ATG16L1: variants seen among roughly 807,000 people sequenced by gnomAD.
ATG16L1 encodes autophagy-related protein 16-1.
A neutral mutation model predicts 88.5 loss-of-function variants in ATG16L1; 37 were observed. That is an observed-to-expected ratio of 0.42 (90% CI 0.32 to 0.55). The LOEUF is 0.55. Ranked by LOEUF, ATG16L1 falls within the 20% of genes least tolerant of loss-of-function variation. The pLI, the probability that ATG16L1 is intolerant of heterozygous loss-of-function variation, is 0.13. For missense variants in ATG16L1, 554 were observed against 752.8 expected (o/e 0.74, Z 3.09); for synonymous variants, 301 against 281.0 (o/e 1.07, Z -0.71).
intron 6 of ATG16L1, among the ~76,000 whole-genome samples, chr2:233,272,481 CT>C (rs1698060734): frequency 6.6e-6 from 1 of 152,192 alleles, no homozygotes; most frequent in Non-Finnish European, 1.5e-5. Flanking sequence ...TTAGCCATCC[CT>C]TCTTTCCCTG....
At chr2:233,281,548 C>G (rs951880165) in intron 11 of ATG16L1, among the ~76,000 whole-genome samples, 1 of 152,084 alleles carries the variant, frequency 6.6e-6, no homozygotes, top group Non-Finnish European at 1.5e-5. Flanking sequence ...TGAGTTATGG[C>G]TGAGATGTGT....
rs555777392 is a variant in ATG16L1 at position 233,270,246 on chromosome 2, T to C, written c.707+179T>C. Among the ~76,000 whole-genome samples, 13 of 152,258 alleles carry C rather than the reference T, an allele frequency of 8.5e-5. No homozygotes were observed. In the South Asian group the frequency reaches 2.7e-3, roughly 32 times the overall value. On this transcript the variant is annotated intron_variant, in intron 6 of 17. Coordinates refer to ENST00000392017, the MANE Select transcript of ATG16L1 (RefSeq NM_030803.7). ...TGTTTTTATTTCTGTAAAATCATCTTACAGATTTTAGAAAGAAAAATGTTA... is the reference window on the plus strand; with the variant it reads ...TGTTTTTATTTCTGTAAAATCATCTCACAGATTTTAGAAAGAAAAATGTTA...
intron 12 of ATG16L1, among the ~76,000 whole-genome samples, chr2:233,286,806 T>C (rs544338010): frequency 6.6e-6 from 1 of 151,684 alleles, no homozygotes; most frequent in South Asian, 2.1e-4. Context: ...TTTGTATTTT[T>C]AGTAGAGACG....
chr2:233,253,346 T>TTG (rs1553602870), intron 1 of ATG16L1, among the ~76,000 whole-genome samples: 7 of 134,548 alleles, frequency 5.2e-5, no homozygotes, highest in South Asian at 5.3e-4. Context: ...TTTTGTTTTT[T>TTG]TTTTTTTTTT....
At position 233,289,988 on chromosome 2, in the gene ATG16L1, G is replaced by A; in HGVS notation, c.1324+14G>A. 1 of 1,613,226 alleles carries A rather than the reference G, an allele frequency of 6.2e-7. No homozygotes were observed. The highest frequency in any genetic ancestry group is 8.5e-7 in the Non-Finnish European group (1 of 1,179,198). On this transcript the variant is annotated intron_variant, in intron 13 of 17. Coordinates refer to ENST00000392017, the MANE Select transcript of ATG16L1 (RefSeq NM_030803.7). The stretch of plus-strand genomic sequence containing the variant: ...GCAGCAAAGTCTGTGAGGAAATTCA[G>A]TCTCTCTGTCTGTGTATATGCTTAG...
chr2:233,267,505 T>C (rs1010646136), intron 5 of ATG16L1, among the ~76,000 whole-genome samples: 1 of 152,248 alleles, frequency 6.6e-6, no homozygotes, highest in Admixed American at 6.5e-5. Flanking sequence ...TTACTGGTGT[T>C]TATTTTTGGG....
At chr2:233,294,230 G>T in intron 17 of ATG16L1, 27 bp from the exon 18 acceptor site, 1 of 1,535,552 alleles carries the variant, frequency 6.5e-7, no homozygotes, top group Non-Finnish European at 8.9e-7. Context: ...TCTGAAACTT[G>T]GTGCTTTTCT....
At chr2:233,277,719 C>A in intron 10 of ATG16L1, 46 bp downstream of exon 10, 2 of 1,516,106 alleles carry the variant, frequency 1.3e-6, no homozygotes, top group Non-Finnish European at 1.8e-6. Flanking sequence ...TGAGATGATG[C>A]ACCCTTGCAC....
intron 4 of ATG16L1, 102 bp from the exon 5 acceptor site, chr2:233,264,790 T>G (rs1697454820): frequency 6.8e-7 from 1 of 1,471,768 alleles, no homozygotes; most frequent in Non-Finnish European, 9.2e-7. Flanking sequence ...GGCTAAAAGA[T>G]GTTGTAACAG....
intron 11 of ATG16L1, among the ~76,000 whole-genome samples, chr2:233,281,766 G>A (rs1698732732): frequency 6.6e-6 from 1 of 152,224 alleles, no homozygotes; most frequent in South Asian, 2.1e-4. Context: ...GTGAGGCCAA[G>A]GTAGCGTCCT....
intron 1 of ATG16L1, among the ~76,000 whole-genome samples, chr2:233,254,981 A>C (rs945253378): frequency 1.3e-5 from 2 of 151,524 alleles, no homozygotes; most frequent in African/African-American, 2.4e-5. Flanking sequence ...TTATTTATTT[A>C]TTTATTTATT....
chr2:233,261,818 C>T (rs78853161), intron 2 of ATG16L1, among the ~76,000 whole-genome samples: 2,069 of 152,300 alleles, frequency 0.014, 19 homozygotes, highest in Admixed American at 0.029. Context: ...TAGTTGTCTT[C>T]TGCTGTATCT....
chr2:233,286,335 C>T (rs899441281), intron 12 of ATG16L1, among the ~76,000 whole-genome samples: 3 of 152,136 alleles, frequency 2.0e-5, no homozygotes, highest in Admixed American at 6.5e-5. Flanking sequence ...TTTGAGGCCC[C>T]GGCCTTGATG....
Position 233,263,215 on chromosome 2 carries a change from T to C in ATG16L1, c.295T>C (p.Leu99=). The C allele has an allele frequency of 6.2e-7, 1 of 1,613,982 alleles. No individual in the cohort carries two copies. Among genetic ancestry groups the C allele is most frequent in the Non-Finnish European group, 8.5e-7 (1 of 1,179,958 alleles). ...TAAGCACCAAGAGGAACTGACTGAATTACACAAGAAACGTGGGGAGGTAAA... is the reference window on the plus strand; with the variant it reads ...TAAGCACCAAGAGGAACTGACTGAACTACACAAGAAACGTGGGGAGGTAAA... The part of the protein sequence containing the change: ...RIKHQEELTE[L]HKKRGELAQL... The change falls in exon 3 of 18, where the codon TTA becomes CTA. Residue 99 remains leucine, a synonymous_variant. Coordinates refer to ENST00000392017, the MANE Select transcript of ATG16L1 (RefSeq NM_030803.7).
At chr2:233,253,285 G>T (rs1433763394) in intron 1 of ATG16L1, among the ~76,000 whole-genome samples, 1 of 146,892 alleles carries the variant, frequency 6.8e-6, no homozygotes, top group Non-Finnish European at 1.5e-5. Flanking sequence ...GGCCAAGAGA[G>T]ATTAGGTAAC....
intron 2 of ATG16L1, among the ~76,000 whole-genome samples, chr2:233,256,595 T>C (rs1025497568): frequency 6.6e-6 from 1 of 152,230 alleles, no homozygotes; most frequent in Admixed American, 6.5e-5. Context: ...ATTGCTTTCC[T>C]GCAGTATGGG....
chr2:233,268,329 G>C (rs1209808803), intron 5 of ATG16L1, among the ~76,000 whole-genome samples: 4 of 152,214 alleles, frequency 2.6e-5, no homozygotes, highest in Non-Finnish European at 2.9e-5. Context: ...TGTAGTGGCA[G>C]GTGGCTGTAA....
At chr2:233,288,744 G>A in intron 12 of ATG16L1, 1 of 518,254 alleles carries the variant, frequency 1.9e-6, no homozygotes, top group Non-Finnish European at 3.9e-6. Flanking sequence ...ATCCCCAGCT[G>A]CCTCTCCTCC....
At chr2:233,278,226 G>A (rs1698503019) in intron 10 of ATG16L1, among the ~76,000 whole-genome samples, 1 of 152,204 alleles carries the variant, frequency 6.6e-6, no homozygotes, top group Non-Finnish European at 1.5e-5. Flanking sequence ...GGACTTTTAG[G>A]ATGCTCAGAG....
Sources: allele counts gnomAD v4.1 joint callset (sites outside exome capture counted in the v4.1 genomes callset), GRCh38; gene constraint gnomAD v4.1.1; transcripts MANE v1.5; gene names NCBI Gene and HGNC (gene_info 2026-07-23, HGNC 2026-07-21).